The following EPN2 variants were observed in gnomAD, a reference collection of about 807,000 sequenced individuals.
EPN2 encodes epsin-2.
EPN2 carries 34 observed loss-of-function variants against 61.7 expected under a neutral mutation model. The ratio of observed to expected loss-of-function variants is 0.55; its 90% confidence interval spans 0.42 to 0.73. The LOEUF is 0.73. Among genes scored for constraint, EPN2 ranks in the 30% least tolerant of loss-of-function variants. The pLI is 0.00. For missense variants in EPN2, 714 were observed against 839.2 expected (o/e 0.85, Z 1.84); for synonymous variants, 349 against 353.6 (o/e 0.99, Z 0.15).
At chr17:19,307,528 G>T (rs749452896) in intron 4 of EPN2, among the ~76,000 whole-genome samples, 16 of 152,104 alleles carry the variant, frequency 1.1e-4, no homozygotes, top group Non-Finnish European at 2.4e-4. Context: ...TAGCTAGGAT[G>T]GTCTCAATCT....
chr17:19,259,116 C>T lies in EPN2; in HGVS notation c.-294+21585C>T, dbSNP rs556839133. ...GAAAAAAATTCATTATATAACATAG[C>T]GGCTGCTGAATCAAGTCTTGGAAAT... On this transcript the variant is annotated intron_variant, in intron 1 of 10. Transcript: ENST00000314728. Among the ~76,000 whole-genome samples the T allele has an allele frequency of 4.6e-5, 7 of 152,206 alleles. No individual in the cohort carries two copies. The South Asian group carries it at 1.2e-3, about 27-fold the overall frequency.
intron 4 of EPN2, among the ~76,000 whole-genome samples, chr17:19,290,734 A>C (rs957507563): frequency 1.3e-5 from 2 of 151,554 alleles, no homozygotes; most frequent in African/African-American, 4.8e-5. Context: ...AAGAAAAAGG[A>C]AGGCAGGCAG....
At chr17:19,329,457 A>G (rs751171029) in intron 8 of EPN2, 104 bp from the exon 9 acceptor site, 15 of 668,980 alleles carry the variant, frequency 2.2e-5, no homozygotes, top group Admixed American at 1.0e-4. Context: ...GTAAGCGGGG[A>G]GAGGCCCCTG....
At chr17:19,273,541 A>G (rs921984324) in intron 1 of EPN2, among the ~76,000 whole-genome samples, 1 of 152,046 alleles carries the variant, frequency 6.6e-6, no homozygotes, top group South Asian at 2.1e-4. Flanking sequence ...AAAACTATTC[A>G]TTTTTATAGA....
At chr17:19,274,667 G>A (rs72836766) in intron 1 of EPN2, among the ~76,000 whole-genome samples, 615 of 152,262 alleles carry the variant, frequency 4.0e-3, no homozygotes, top group Non-Finnish European at 5.3e-3. Flanking sequence ...ACACCTTGGT[G>A]GCACAGAGGC....
intron 1 of EPN2, among the ~76,000 whole-genome samples, chr17:19,243,384 ATT>A (rs1013094131): frequency 1.3e-5 from 1 of 77,278 alleles, no homozygotes; most frequent in East Asian, 5.6e-4. Context: ...TGCCTGGCTA[ATT>A]TTTTTTTTTT....
chr17:19,305,464 G>C (rs1027484080), intron 4 of EPN2, among the ~76,000 whole-genome samples: 3 of 152,120 alleles, frequency 2.0e-5, no homozygotes, highest in Non-Finnish European at 4.4e-5. Context: ...CTTTCTTTCT[G>C]TTTGACCTAT....
chr17:19,283,564 A>C lies in EPN2; in HGVS notation c.445A>C (p.Lys149Gln). Residue 149 changes from lysine (K) to glutamine (Q), a missense_variant, in exon 3 of 11, where the codon AAA (lysine) becomes CAA (glutamine). Lys to Gln is a moderately conservative substitution (Grantham distance 53, BLOSUM62 1). Transcript: ENST00000314728. This position sits in a 1 kb window ranked among gnomAD's most constrained non-coding sequence, Gnocchi z 7.0. ...RLKAERAQAL[K>Q]TKERMAQVAT... ...GAAGGCTGAGAGGGCCCAGGCTCTCAAAACCAAAGAGCGCATGGCCCAGGT... is the reference window on the plus strand; with the variant it reads ...GAAGGCTGAGAGGGCCCAGGCTCTCCAAACCAAAGAGCGCATGGCCCAGGT... The C allele has an allele frequency of 1.9e-6, 3 of 1,614,236 alleles. No individual in the cohort carries two copies. Among genetic ancestry groups the C allele is most frequent in the Non-Finnish European group, 2.5e-6 (3 of 1,180,042 alleles).
chr17:19,285,627 G>A lies in EPN2; in HGVS notation c.603G>A (p.Glu201=). The A allele has an allele frequency of 6.5e-7, 1 of 1,547,330 alleles. No homozygotes were observed. The highest frequency in any genetic ancestry group is 1.2e-5 in the South Asian group (1 of 83,390). The change falls in exon 4 of 11, where the codon GAG becomes GAA. Residue 201 remains glutamate, a synonymous_variant. Coordinates refer to ENST00000314728, the MANE Select transcript of EPN2 (RefSeq NM_014964.5). The surrounding 1 kb of genome is among the most constrained non-coding windows in gnomAD (Gnocchi z 4.5). ...TGTGTCCCTGCCCCACAGCGCCTGAGGCCTCGCTGTGCCCCCAGCACCGCA... is the reference window on the plus strand; with the variant it reads ...TGTGTCCCTGCCCCACAGCGCCTGAAGCCTCGCTGTGCCCCCAGCACCGCA... ...GSPASYHGSP[E]ASLCPQHRTG... is the part of the protein sequence containing the mutation.
chr17:19,247,813 C>A (rs929663496), intron 1 of EPN2, among the ~76,000 whole-genome samples: 12 of 152,142 alleles, frequency 7.9e-5, no homozygotes, highest in Non-Finnish European at 1.5e-4. Flanking sequence ...CTGAGACTGG[C>A]TAGATAGCAG....
intron 1 of EPN2, among the ~76,000 whole-genome samples, chr17:19,254,647 T>G (rs1426054578): frequency 6.6e-6 from 1 of 152,172 alleles, no homozygotes; most frequent in Non-Finnish European, 1.5e-5. Flanking sequence ...CCATTAGTCC[T>G]GCTTAACAGA....
chr17:19,313,915 A>C (rs1192392184), intron 7 of EPN2, among the ~76,000 whole-genome samples: 3 of 152,208 alleles, frequency 2.0e-5, no homozygotes, highest in African/African-American at 7.2e-5. Context: ...AGCATGGCCC[A>C]GCAGGCTTTA....
chr17:19,311,378 C>T (rs945947112), intron 5 of EPN2, among the ~76,000 whole-genome samples: 15 of 152,022 alleles, frequency 9.9e-5, no homozygotes, highest in African/African-American at 3.1e-4. Context: ...TTCAAACTCC[C>T]GTGCTGATCA....
At chr17:19,314,896 AT>A (rs1906313876) in intron 7 of EPN2, among the ~76,000 whole-genome samples, 1 of 152,216 alleles carries the variant, frequency 6.6e-6, no homozygotes, top group Admixed American at 6.5e-5. Flanking sequence ...AATCTGAAGA[AT>A]GATTAGTCTG....
At chr17:19,312,790 G>A in intron 6 of EPN2, 1 of 318,298 alleles carries the variant, frequency 3.1e-6, no homozygotes, top group African/African-American at 2.2e-5. Flanking sequence ...TGGCTGGCAG[G>A]TGGGAGGGAT....
intron 4 of EPN2, among the ~76,000 whole-genome samples, chr17:19,288,312 A>C (rs1332386825): frequency 6.6e-6 from 1 of 152,254 alleles, no homozygotes; most frequent in Non-Finnish European, 1.5e-5. Flanking sequence ...GGCACTGAGC[A>C]CAGAACAGAG....
intron 3 of EPN2, among the ~76,000 whole-genome samples, chr17:19,284,244 AC>A (rs2045383999): frequency 6.6e-6 from 1 of 152,228 alleles, no homozygotes; most frequent in African/African-American, 2.4e-5. Flanking sequence ...TCCCTGCCAA[AC>A]ATGCAAATGA....
rs374633294 is a variant in EPN2 at position 19,283,281 on chromosome 17, G to A, written c.162G>A (p.Ser54=). The change falls in exon 3 of 11, where the codon TCG becomes TCA. Residue 54 remains serine, a synonymous_variant. Coordinates refer to ENST00000314728, the MANE Select transcript of EPN2 (RefSeq NM_014964.5). The surrounding 1 kb of genome is among the most constrained non-coding windows in gnomAD (Gnocchi z 7.0). The part of the protein sequence containing the change: ...ADLTYNVVAF[S]EIMSMVWKRL... ...TGACCTACAACGTGGTGGCCTTCTCGGAGATCATGAGCATGGTGTGGAAGC... is the reference window on the plus strand; with the variant it reads ...TGACCTACAACGTGGTGGCCTTCTCAGAGATCATGAGCATGGTGTGGAAGC... The A allele has an allele frequency of 9.9e-6, 16 of 1,613,982 alleles. No individual in the cohort carries two copies. Among genetic ancestry groups the A allele is most frequent in the African/African-American group, 5.3e-5 (4 of 74,894 alleles).
intron 7 of EPN2, among the ~76,000 whole-genome samples, chr17:19,317,594 C>T (rs897284345): frequency 6.6e-6 from 1 of 152,174 alleles, no homozygotes; most frequent in Non-Finnish European, 1.5e-5. Context: ...GGGAGGCGAC[C>T]GGGACACAGG....
Sources: allele counts gnomAD v4.1 joint callset (sites outside exome capture counted in the v4.1 genomes callset), GRCh38; gene constraint gnomAD v4.1.1; non-coding constraint Gnocchi (gnomAD v3.1); transcripts MANE v1.5; gene names NCBI Gene and HGNC (gene_info 2026-07-23, HGNC 2026-07-21).